The following RORA variants were observed in gnomAD, a reference collection of about 807,000 sequenced individuals.
The protein encoded by RORA is RAR related orphan receptor A.
RORA carries 7 observed loss-of-function variants against 69.5 expected under a neutral mutation model. The ratio of observed to expected loss-of-function variants is 0.10; its 90% CI spans 0.06 to 0.19. RORA has a LOEUF of 0.19. RORA is among the 10% of genes least tolerant of loss of function. The pLI is 1.00. For synonymous variants in RORA, 261 were observed against 240.8 expected (o/e 1.08, Z -0.78); for missense variants, 457 against 663.0 (o/e 0.69, Z 3.41).
intron 1 of RORA, among the ~76,000 whole-genome samples, chr15:61,045,037 A>G (rs1896956504): frequency 6.6e-6 from 1 of 152,178 alleles, no homozygotes. Context: ...GTTAATATTG[A>G]TATACTCATC....
intron 2 of RORA, among the ~76,000 whole-genome samples, chr15:60,616,843 T>C (rs2069257687): frequency 6.6e-6 from 1 of 152,210 alleles, no homozygotes; most frequent in Admixed American, 6.5e-5. Context: ...GGAAACCCCC[T>C]GGTCCTCAAA....
chr15:61,168,479 G>A (rs192042455), intron 1 of RORA, among the ~76,000 whole-genome samples: 46 of 152,128 alleles, frequency 3.0e-4, no homozygotes, highest in African/African-American at 9.2e-4. Context: ...GGCTGTTCCC[G>A]AACTCCTGAG....
chr15:60,904,294 G>T (rs987914230), intron 1 of RORA, among the ~76,000 whole-genome samples: 1 of 152,184 alleles, frequency 6.6e-6, no homozygotes, highest in African/African-American at 2.4e-5. Context: ...TTGGAGTAAG[G>T]AGAGAGTCTT....
intron 2 of RORA, among the ~76,000 whole-genome samples, chr15:60,584,290 C>G (rs1268085101): frequency 6.6e-6 from 1 of 152,182 alleles, no homozygotes; most frequent in Non-Finnish European, 1.5e-5. Flanking sequence ...AGTTTCAGAA[C>G]CACTGTTTCA....
chr15:60,540,594 A>C (rs377648508), intron 2 of RORA, among the ~76,000 whole-genome samples: 1 of 116,124 alleles, frequency 8.6e-6, no homozygotes, highest in Non-Finnish European at 1.8e-5. Context: ...TGCGGTCACA[A>C]AACCCAGCTG....
intron 1 of RORA, among the ~76,000 whole-genome samples, chr15:60,773,210 G>A (rs1323273590): frequency 1.3e-5 from 2 of 152,166 alleles, no homozygotes; most frequent in African/African-American, 2.4e-5. Flanking sequence ...CAGGCTTTCC[G>A]GCGGGCTCTT....
chr15:60,823,266 T>C (rs754500256), intron 1 of RORA, among the ~76,000 whole-genome samples: 1 of 152,102 alleles, frequency 6.6e-6, no homozygotes. Flanking sequence ...CATAGCTCAC[T>C]GCAATCTCAA....
At chr15:61,062,918 T>C (rs561632894) in intron 1 of RORA, among the ~76,000 whole-genome samples, 1 of 152,284 alleles carries the variant, frequency 6.6e-6, no homozygotes, top group South Asian at 2.1e-4. Flanking sequence ...GTTTTCTATA[T>C]TTGTTTTTTT....
In RORA at chr15:60,931,459, G is replaced by A. The variant is rs187946480; in HGVS notation, c.167-252773C>T. 2.0e-5 allele frequency among the ~76,000 whole-genome samples: 3 copies of A among 152,332 alleles called. No homozygotes were observed. The East Asian group carries it at 5.8e-4, about 29-fold the overall frequency. ...AGAAGAGGCCTGGCTTCAGCTTCCA[G>A]AGCTAAGCCCTGCCAATCTCCCAGA... On this transcript the variant is annotated intron_variant, in intron 1 of 10. Coordinates refer to ENST00000335670, the MANE Select transcript of RORA (RefSeq NM_134261.3).
intron 1 of RORA, among the ~76,000 whole-genome samples, chr15:61,081,765 G>A (rs955070780): frequency 1.4e-4 from 20 of 146,682 alleles, no homozygotes; most frequent in Non-Finnish European, 2.1e-4. Flanking sequence ...CCGAGATCAC[G>A]CCACCGCACT....
chr15:61,019,949 C>A (rs1009666237), intron 1 of RORA, among the ~76,000 whole-genome samples: 2 of 152,168 alleles, frequency 1.3e-5, no homozygotes, highest in African/African-American at 4.8e-5. Flanking sequence ...CCTCTGACCT[C>A]CGCTCTTCTC....
At chr15:60,829,202 G>A (rs1423809267) in intron 1 of RORA, among the ~76,000 whole-genome samples, 2 of 152,178 alleles carry the variant, frequency 1.3e-5, no homozygotes, top group Non-Finnish European at 1.5e-5. Context: ...GCCTCCAGGA[G>A]TTTTGCAGCA....
intron 1 of RORA, among the ~76,000 whole-genome samples, chr15:60,862,115 T>C (rs1483022581): frequency 6.6e-6 from 1 of 152,222 alleles, no homozygotes; most frequent in East Asian, 1.9e-4. Context: ...AATGGGCACT[T>C]TATGAACATC....
At chr15:60,876,624 AT>A (rs994162205) in intron 1 of RORA, among the ~76,000 whole-genome samples, 60 of 150,128 alleles carry the variant, frequency 4.0e-4, no homozygotes, top group African/African-American at 9.8e-4. Context: ...ATTTTTGCTG[AT>A]TTTTTTTTTC....
intron 1 of RORA, among the ~76,000 whole-genome samples, chr15:60,763,154 T>A (rs1421068028): frequency 1.5e-5 from 2 of 130,716 alleles, no homozygotes; most frequent in African/African-American, 5.8e-5. Flanking sequence ...TTGGGAAAAC[T>A]GCACAGATAT....
chr15:60,535,324 A>G (rs16942723), intron 2 of RORA, among the ~76,000 whole-genome samples: 2 of 152,240 alleles, frequency 1.3e-5, no homozygotes, highest in Admixed American at 6.5e-5. Flanking sequence ...ACAATGAACA[A>G]TCTTGCTATG....
chr15:60,846,654 G>A (rs1448383495), intron 1 of RORA, among the ~76,000 whole-genome samples: 1 of 152,208 alleles, frequency 6.6e-6, no homozygotes, highest in Non-Finnish European at 1.5e-5. Context: ...TGGTCAAGCT[G>A]CCTTTTGATG....
intron 1 of RORA, among the ~76,000 whole-genome samples, chr15:61,095,733 C>T (rs565857847): frequency 1.3e-5 from 2 of 152,200 alleles, no homozygotes; most frequent in East Asian, 1.9e-4. Flanking sequence ...GATGCTTGTT[C>T]GAGGTGGAGT....
intron 1 of RORA, among the ~76,000 whole-genome samples, chr15:60,813,612 T>A (rs2072772823): frequency 6.6e-6 from 1 of 151,998 alleles, no homozygotes; most frequent in Admixed American, 6.6e-5. Flanking sequence ...GCCATTGAAA[T>A]CTTAGCATAC....
Sources: gnomAD v4.1 joint callset for allele counts (sites outside exome capture counted in the v4.1 genomes callset) on GRCh38, gnomAD v4.1.1 for gene constraint, MANE v1.5 for transcripts, NCBI Gene and HGNC (gene_info 2026-07-23, HGNC 2026-07-21) for gene names.